Variants in PCDH9 observed in about 807,000 individuals in gnomAD.
PCDH9 encodes protocadherin-9.
In PCDH9, 24 loss-of-function variants were observed where a neutral mutation model predicts 70.6. That is an observed-to-expected ratio of 0.34 (90% confidence interval 0.25 to 0.48). The LOEUF (loss-of-function observed/expected upper bound fraction) is 0.48. PCDH9 is among the 20% of genes least tolerant of loss of function. The pLI is 0.99. For synonymous variants in PCDH9, 562 were observed against 558.5 expected, an observed-to-expected ratio of 1.01 and a Z score of -0.09; for missense variants, 1,281 against 1,503.6, an observed-to-expected ratio of 0.85 and a Z score of 2.45.
At chr13:66,491,700 T>G (rs1959036983) in intron 4 of PCDH9, among the ~76,000 whole-genome samples, 1 of 152,150 alleles carries the variant, frequency 6.6e-6, no homozygotes, top group South Asian at 2.1e-4. Context: ...TATTATCACT[T>G]TCTCAGTTAA....
intron 2 of PCDH9, among the ~76,000 whole-genome samples, chr13:67,162,078 T>C (rs1486585551): frequency 6.6e-6 from 1 of 152,194 alleles, no homozygotes; most frequent in African/African-American, 2.4e-5. Flanking sequence ...TGGGAAGCAA[T>C]TAAAAAGCCA....
At chr13:66,605,728 T>C (rs912637526) in intron 4 of PCDH9, among the ~76,000 whole-genome samples, 3 of 152,168 alleles carry the variant, frequency 2.0e-5, no homozygotes, top group African/African-American at 7.2e-5. Context: ...TCATACATTA[T>C]CTTAATAGAC....
intron 4 of PCDH9, among the ~76,000 whole-genome samples, chr13:66,371,402 C>A (rs1673978590): frequency 6.6e-6 from 1 of 151,810 alleles, no homozygotes; most frequent in Non-Finnish European, 1.5e-5. Flanking sequence ...ATAATCATAC[C>A]TTTTTGACAT....
intron 4 of PCDH9, among the ~76,000 whole-genome samples, chr13:66,372,717 G>A (rs1956678514): frequency 6.6e-6 from 1 of 151,728 alleles, no homozygotes; most frequent in Admixed American, 6.6e-5. Context: ...AATGATCTGG[G>A]TATGAAGCAA....
chr13:66,319,959 G>T (rs571168132), intron 4 of PCDH9, among the ~76,000 whole-genome samples: 8 of 152,034 alleles, frequency 5.3e-5, no homozygotes, highest in Admixed American at 5.2e-4. Flanking sequence ...AATCAACTTA[G>T]AAACAATGCT....
chr13:67,025,339 A>C (rs2084758961), intron 2 of PCDH9, among the ~76,000 whole-genome samples: 1 of 152,150 alleles, frequency 6.6e-6, no homozygotes, highest in South Asian at 2.1e-4. Flanking sequence ...TTTCAAATGC[A>C]ATTTGTGAAT....
intron 3 of PCDH9, among the ~76,000 whole-genome samples, chr13:66,631,966 T>A (rs1376638046): frequency 6.6e-6 from 1 of 152,198 alleles, no homozygotes; most frequent in Non-Finnish European, 1.5e-5. Flanking sequence ...CGATCTTGGC[T>A]CACTGCAACT....
intron 3 of PCDH9, among the ~76,000 whole-genome samples, chr13:66,720,655 T>C (rs1252146924): frequency 1.3e-5 from 2 of 152,104 alleles, no homozygotes; most frequent in African/African-American, 4.8e-5. Context: ...GTTAAGATTT[T>C]AGGGGGCAAA....
chr13:66,548,821 C>T (rs996516482), intron 4 of PCDH9, among the ~76,000 whole-genome samples: 6 of 151,976 alleles, frequency 3.9e-5, no homozygotes, highest in Admixed American at 3.9e-4. Context: ...AAGAAACACT[C>T]TCCCAGAGTA....
chr13:66,311,998 A>G (rs1459667086), intron 4 of PCDH9, among the ~76,000 whole-genome samples: 1 of 152,184 alleles, frequency 6.6e-6, no homozygotes, highest in Non-Finnish European at 1.5e-5. Flanking sequence ...TTCATGTTAG[A>G]TTCAAAAGAC....
At chr13:67,086,192 CA>C (rs1010678976) in intron 2 of PCDH9, among the ~76,000 whole-genome samples, 104 of 152,196 alleles carry the variant, frequency 6.8e-4, no homozygotes, top group African/African-American at 2.5e-3. Context: ...AACTCAATAA[CA>C]AATTATCTAT....
At chr13:66,601,652 C>T (rs2077166947) in intron 4 of PCDH9, among the ~76,000 whole-genome samples, 1 of 146,180 alleles carries the variant, frequency 6.8e-6, no homozygotes, top group African/African-American at 2.5e-5. Context: ...TATGTGTTGA[C>T]ATTTTTGCAG....
chr13:66,584,227 C>A (rs2138791531), intron 4 of PCDH9, among the ~76,000 whole-genome samples: 1 of 152,252 alleles, frequency 6.6e-6, no homozygotes, highest in South Asian at 2.1e-4. Context: ...GGGATACCCT[C>A]ACTTTATGAT....
At chr13:66,772,019 T>C (rs2079816434) in intron 3 of PCDH9, among the ~76,000 whole-genome samples, 1 of 152,206 alleles carries the variant, frequency 6.6e-6, no homozygotes. Context: ...AAATTAACCA[T>C]AATTAAAATT....
intron 4 of PCDH9, among the ~76,000 whole-genome samples, chr13:66,390,880 A>G (rs918975272): frequency 3.3e-5 from 5 of 152,150 alleles, no homozygotes; most frequent in South Asian, 2.1e-4. Context: ...CAGTTCATCA[A>G]TCCGTTGATA....
intron 3 of PCDH9, among the ~76,000 whole-genome samples, chr13:66,790,077 A>G (rs2080140663): frequency 6.6e-6 from 1 of 152,152 alleles, no homozygotes; most frequent in Non-Finnish European, 1.5e-5. Flanking sequence ...TCCATGATTA[A>G]TAAGAATTTT....
chr13:66,497,658 G>T (rs954866625), intron 4 of PCDH9, among the ~76,000 whole-genome samples: 1 of 152,060 alleles, frequency 6.6e-6, no homozygotes, highest in Non-Finnish European at 1.5e-5. Flanking sequence ...GATATTAGGA[G>T]ACATTTTTGG....
chr13:67,180,600 G>A (rs756358968), intron 2 of PCDH9, among the ~76,000 whole-genome samples: 1 of 152,028 alleles, frequency 6.6e-6, no homozygotes, highest in African/African-American at 2.4e-5. Flanking sequence ...ACTCTGCATG[G>A]CCTATGTCCA....
In PCDH9 at chr13:67,026,773, GACAA is replaced by G. The variant is rs1422551433; in HGVS notation, c.3037-123172_3037-123169del. Among the ~76,000 whole-genome samples, 4 of 151,622 alleles carry G rather than the reference GACAA, an allele frequency of 2.6e-5. No homozygotes were observed. In the East Asian group the frequency reaches 7.7e-4, roughly 29 times the overall value. On this transcript the variant is annotated intron_variant, in intron 2 of 4. Coordinates refer to ENST00000377865, the MANE Select transcript of PCDH9 (RefSeq NM_203487.3). ...CAAGCATTCTTATACACCAACAACA[GACAA>G]ACAGAGAGCCAAATCATGAGTGAAC...
Sources: gnomAD v4.1 joint callset for allele counts (sites outside exome capture counted in the v4.1 genomes callset) on GRCh38, gnomAD v4.1.1 for gene constraint, MANE v1.5 for transcripts, NCBI Gene and HGNC (gene_info 2026-07-23, HGNC 2026-07-21) for gene names.